KHSRP: variants seen among roughly 807,000 people sequenced by gnomAD.
KHSRP encodes the protein KH-type splicing regulatory protein.
A neutral mutation model predicts 94.9 loss-of-function variants in KHSRP; 13 were observed. The ratio of observed to expected loss-of-function variants is 0.14; its 90% CI spans 0.09 to 0.22. The LOEUF is 0.22. Ranked by LOEUF, KHSRP falls within the 10% of genes least tolerant of loss-of-function variation. The pLI is 1.00. For missense variants in KHSRP, 710 were observed against 1,010.0 expected, an observed-to-expected ratio of 0.70 and a Z score of 4.03; for synonymous variants, 495 against 401.4, an observed-to-expected ratio of 1.23 and a Z score of -2.79.
rs765591937 is a variant in KHSRP at position 6,416,643 on chromosome 19, C to T, written c.1335G>A (p.Glu445=). 1.9e-6 allele frequency: 3 copies of T among 1,613,888 alleles called. No homozygotes were observed. Among genetic ancestry groups the T allele is most frequent in the Admixed American group, 3.3e-5 (2 of 60,020 alleles). Residue 445 remains glutamate, a synonymous_variant, in exon 14 of 19, where the codon GAG becomes GAA. Transcript: ENST00000600480. The stretch of plus-strand genomic sequence containing the variant: ...TCTGCTGGTTTATGGCTTTCACATT[C>T]TCGCCACCTGCAGAAACGCAGAAGG... ...KCGLVIGRGG[E]NVKAINQQTG...
At chr19:6,420,222 GC>G in intron 5 of KHSRP, 78 bp from the exon 6 acceptor site, 1 of 1,365,186 alleles carries the variant, frequency 7.3e-7, no homozygotes. Context: ...TGTGGCCGGG[GC>G]CCCAGCCCCT....
At position 6,420,114 on chromosome 19, in the gene KHSRP, T is replaced by C; in HGVS notation, c.506A>G (p.Lys169Arg). Reference protein sequence around the residue: ...IIGRGGEQINKIQQDSGCKVQ... With the variant: ...IIGRGGEQINRIQQDSGCKVQ... ...TTTGCAGCCTGAATCCTGTTGGATT[T>C]TGTTAATTTGTTCACCTCCTCTGCC... Residue 169 changes from lysine to arginine, a missense_variant, in exon 6 of 19, where the codon AAA becomes AGA. Coordinates refer to ENST00000600480, the MANE Select transcript of KHSRP (RefSeq NM_001366299.1). The C allele has an allele frequency of 1.2e-6, 2 of 1,613,628 alleles. No homozygotes were observed. The highest frequency in any genetic ancestry group is 1.7e-6 in the Non-Finnish European group (2 of 1,179,626).
intron 3 of KHSRP, 97 bp from the exon 4 acceptor site, chr19:6,421,414 C>T (rs945245355): frequency 1.0e-5 from 13 of 1,294,496 alleles, no homozygotes; most frequent in African/African-American, 8.8e-5. Context: ...CCCGGCACCA[C>T]GGTCCCCAGC....
In KHSRP at chr19:6,414,640, G is replaced by A. The variant is rs1358801376; in HGVS notation, c.*384C>T. 18 of 1,007,346 alleles carry A rather than the reference G, an allele frequency of 1.8e-5. No individual in the cohort carries two copies. Among genetic ancestry groups the A allele is most frequent in the African/African-American group, 1.0e-4 (6 of 57,942 alleles). The allele number at this position is 1,007,346 out of a possible 1,614,324, so 62.4% of individuals were successfully genotyped here. ...CACCAGTCCCTGCCAGAGCCAGGCCGCCTGCAACACAGTCACTTGGACACA... is the reference window on the plus strand; with the variant it reads ...CACCAGTCCCTGCCAGAGCCAGGCCACCTGCAACACAGTCACTTGGACACA... On this transcript the variant is annotated 3_prime_UTR_variant, in exon 19 of 19. Coordinates refer to ENST00000600480, the MANE Select transcript of KHSRP (RefSeq NM_001366299.1).
chr19:6,421,032 G>T, intron 4 of KHSRP: 1 of 540,564 alleles, frequency 1.8e-6, no homozygotes, highest in South Asian at 2.3e-5. Context: ...GAAGCCATAG[G>T]GTGCGGAGAC....
rs985052381 is a variant in KHSRP at position 6,418,914 on chromosome 19, C to T, written c.606-38G>A. The stretch of plus-strand genomic sequence containing the variant: ...GGAGCGGGGGATGAGCGGGTGCCAC[C>T]GCTGGAGAAAGGTACTGGTCTGGTG... On this transcript the variant is annotated intron_variant, in intron 7 of 18. Coordinates refer to ENST00000600480, the MANE Select transcript of KHSRP (RefSeq NM_001366299.1). This position sits in a 1 kb window ranked among gnomAD's most constrained non-coding sequence, Gnocchi z 4.3. The T allele has an allele frequency of 1.5e-5, 22 of 1,509,784 alleles. No individual in the cohort carries two copies. Among genetic ancestry groups the T allele is most frequent in the Middle Eastern group, 2.5e-4 (1 of 4,042 alleles). 93.5% of individuals were successfully genotyped at this position (1,509,784 alleles called of 1,614,324 possible).
At chr19:6,419,158 CT>C in intron 7 of KHSRP, 44 bp downstream of exon 7, 1 of 1,519,948 alleles carries the variant, frequency 6.6e-7, no homozygotes, top group South Asian at 1.2e-5. Context: ...GAGCAGGCTT[CT>C]GCCTGCCCCC....
rs1363814270 is a variant in KHSRP, at chr19:6,415,840, G to C, written c.1655C>G (p.Pro552Arg). The C allele has an allele frequency of 2.5e-6, 4 of 1,577,090 alleles. No individual in the cohort carries two copies. Among genetic ancestry groups the C allele is most frequent in the Non-Finnish European group, 3.4e-6 (4 of 1,162,304 alleles). ...YPPQGWGNTY[P>R]QWQPPAPHDP... ...ATGAGGAGCAGGCGGCTGCCACTGG[G>C]GGTAGGTATTGCCCCAGCCCTGGGG... The change falls in exon 16 of 19, where the codon CCC becomes CGC. Residue 552 changes from proline (P) to arginine (R), a missense_variant. Pro to Arg is a moderately radical substitution (Grantham distance 103). Around this residue, in one of 5 missense-constraint regions of KHSRP, gnomAD observed 292 missense variants for 340.5 expected, o/e 0.86. Coordinates refer to ENST00000600480, the MANE Select transcript of KHSRP (RefSeq NM_001366299.1).
rs747810170 is a variant in KHSRP, at chr19:6,415,535, G to A, written c.1887C>T (p.Ile629=). 5.3e-5 allele frequency: 82 copies of A among 1,542,472 alleles called. No individual in the cohort carries two copies. The highest frequency in any genetic ancestry group is 6.5e-5 in the Non-Finnish European group (74 of 1,143,088). The change falls in exon 17 of 19, where the codon ATC becomes ATT. Residue 629 remains isoleucine (I), a splice_region_variant and synonymous_variant. Transcript: ENST00000600480. ...TKAWEEYYKK[I]GQQPQQPGAP... ...CCCCCCGCCACCCTGCAGACTCACC[G>A]ATCTTTTTGTAATACTCTTCCCAGG...
chr19:6,414,989 G>T lies in KHSRP; in HGVS notation c.*35C>A. The T allele has an allele frequency of 6.9e-7, 1 of 1,443,280 alleles. No individual in the cohort carries two copies. The highest frequency in any genetic ancestry group is 9.1e-7 in the Non-Finnish European group (1 of 1,104,806). 89.4% of individuals were successfully genotyped at this position (1,443,280 alleles called of 1,614,324 possible). A position where few individuals can be genotyped will look rare whatever the true frequency, so the allele number is the denominator to read the frequency against. ...TCCCTGGCGGTGCGTGGGGACTCCC[G>T]GAGACCTCCGGCCACACGGCCCCCG... On this transcript the variant is annotated 3_prime_UTR_variant, in exon 19 of 19. Transcript: ENST00000600480.
In KHSRP at chr19:6,413,704, A is replaced by G. The variant is rs1217282730; in HGVS notation, c.*1320T>C. 1 of 157,688 alleles carries G rather than the reference A, an allele frequency of 6.3e-6. No individual in the cohort carries two copies. The highest frequency in any genetic ancestry group is 1.4e-5 in the Non-Finnish European group (1 of 71,316). The allele number at this position is 157,688 out of a possible 1,614,324, so 9.8% of individuals were successfully genotyped here. ...GAGGGCCGAGGGTGGGAGAAAATGA[A>G]TTGCTTTATCCTCAGAGAGGCAGGT... On this transcript the variant is annotated 3_prime_UTR_variant, in exon 19 of 19. Transcript: ENST00000600480.
Position 6,413,392 on chromosome 19 carries a change from A to C in KHSRP, c.*1632T>G, listed in dbSNP as rs1240926777. On this transcript the variant is annotated 3_prime_UTR_variant, in exon 19 of 19. Transcript: ENST00000600480. ...TTTGTGAAGTTAAAAACGAGCGATA[A>C]AAAGTAAAAACTGCCATACAATTTT... The C allele has an allele frequency of 2.4e-6, 1 of 417,900 alleles. No homozygotes were observed. 25.9% of individuals were successfully genotyped at this position (417,900 alleles called of 1,614,324 possible).
chr19:6,423,512 G>A (rs1263555622), intron 1 of KHSRP, among the ~76,000 whole-genome samples: 1 of 152,210 alleles, frequency 6.6e-6, no homozygotes, highest in Non-Finnish European at 1.5e-5. Flanking sequence ...CCAACTGACA[G>A]CACCAGCTTC....
At position 6,418,386 on chromosome 19, in the gene KHSRP, A is replaced by C. The variant is rs549363971; in HGVS notation, c.879+97T>G. On this transcript the variant is annotated intron_variant, in intron 9 of 18. Coordinates refer to ENST00000600480, the MANE Select transcript of KHSRP (RefSeq NM_001366299.1). The surrounding 1 kb of genome is among the most constrained non-coding windows in gnomAD (Gnocchi z 4.3). ...CTTGGTGTTATGACCGACTGTTCACATATCTCTCTGGCGGAATGCAGACCC... is the reference window on the plus strand; with the variant it reads ...CTTGGTGTTATGACCGACTGTTCACCTATCTCTCTGGCGGAATGCAGACCC... 10 of 870,840 alleles carry C rather than the reference A, an allele frequency of 1.1e-5. No individual in the cohort carries two copies. Among genetic ancestry groups the C allele is most frequent in the Non-Finnish European group, 1.9e-5 (10 of 535,674 alleles). The allele number at this position is 870,840 out of a possible 1,614,324, so 53.9% of individuals were successfully genotyped here.
rs2092118462 is a variant in KHSRP, at chr19:6,413,774, T to C, written c.*1250A>G. On this transcript the variant is annotated 3_prime_UTR_variant, in exon 19 of 19. Coordinates refer to ENST00000600480, the MANE Select transcript of KHSRP (RefSeq NM_001366299.1). Reference sequence around the variant, plus strand: ...AAGAATAGAGACTTTTTAATATATATATATATAATTTTATAAGTTCTGCTT... The same window carrying C: ...AAGAATAGAGACTTTTTAATATATACATATATAATTTTATAAGTTCTGCTT... 3 of 151,922 alleles carry C rather than the reference T, an allele frequency of 2.0e-5. No homozygotes were observed. Among genetic ancestry groups the C allele is most frequent in the South Asian group, 4.1e-4 (2 of 4,844 alleles). The allele number at this position is 151,922 out of a possible 1,614,324, so 9.4% of individuals were successfully genotyped here.
In KHSRP at chr19:6,415,278, G is replaced by A. The variant is rs2145111450; in HGVS notation, c.1990C>T (p.Pro664Ser). The A allele has an allele frequency of 1.2e-6, 2 of 1,613,026 alleles. No homozygotes were observed. Among genetic ancestry groups the A allele is most frequent in the Non-Finnish European group, 1.7e-6 (2 of 1,179,838 alleles). ...KQAQVATGGG[P>S]GAPPGSQPDY... ...GGCTGGGAGCCTGGGGGAGCTCCTG[G>A]ACCCCCTCCGGTGGCCACTTGCGCT... Residue 664 changes from proline (P) to serine (S), a missense_variant, in exon 19 of 19, where the codon CCA becomes TCA. By Grantham distance (74) the Pro-to-Ser change is moderately conservative. Around this residue, in one of 5 missense-constraint regions of KHSRP, gnomAD observed 292 missense variants for 340.5 expected, o/e 0.86. Coordinates refer to ENST00000600480, the MANE Select transcript of KHSRP (RefSeq NM_001366299.1).
In KHSRP at chr19:6,420,111, A is replaced by G. The variant is rs2092186221; in HGVS notation, c.509T>C (p.Ile170Thr). The change falls in exon 6 of 19, where the codon ATC (isoleucine) becomes ACC (threonine). Residue 170 changes from isoleucine to threonine, a missense_variant. Ile to Thr is a moderately conservative substitution (Grantham distance 89, BLOSUM62 -1). Around this residue, in one of 5 missense-constraint regions of KHSRP, gnomAD observed 288 missense variants for 501.1 expected, o/e 0.57. Transcript: ENST00000600480. ...TACTTTGCAGCCTGAATCCTGTTGG[A>G]TTTTGTTAATTTGTTCACCTCCTCT... is the stretch of plus-strand genomic sequence containing the variant. ...IGRGGEQINK[I>T]QQDSGCKVQI... The G allele has an allele frequency of 6.2e-7, 1 of 1,613,530 alleles. No individual in the cohort carries two copies. The highest frequency in any genetic ancestry group is 1.7e-5 in the Admixed American group (1 of 59,954).
At chr19:6,422,894 C>G (rs527760657) in intron 1 of KHSRP, among the ~76,000 whole-genome samples, 11 of 152,290 alleles carry the variant, frequency 7.2e-5, no homozygotes, top group African/African-American at 2.6e-4. Context: ...CTATCTCCCC[C>G]ACTCTCAAAA....
In KHSRP at chr19:6,414,214, G is replaced by A. The variant is rs529449095; in HGVS notation, c.*810C>T. 5.4e-5 allele frequency: 83 copies of A among 1,527,550 alleles called. No individual in the cohort carries two copies. Among genetic ancestry groups the A allele is most frequent in the Admixed American group, 3.0e-4 (13 of 42,654 alleles). 94.6% of individuals were successfully genotyped at this position (1,527,550 alleles called of 1,614,324 possible). A position where few individuals can be genotyped will look rare whatever the true frequency, so the allele number is the denominator to read the frequency against. On this transcript the variant is annotated 3_prime_UTR_variant, in exon 19 of 19. Coordinates refer to ENST00000600480, the MANE Select transcript of KHSRP (RefSeq NM_001366299.1). ...GAGAGGAGGGGCTGGAACACCGTGG[G>A]GGGGGCCAGGAAGCCCCCTCCCAAA...
Sources: allele counts gnomAD v4.1 joint callset (sites outside exome capture counted in the v4.1 genomes callset), GRCh38; gene constraint gnomAD v4.1.1; regional missense constraint gnomAD v4.1.1; non-coding constraint Gnocchi (gnomAD v3.1); transcripts MANE v1.5; gene names NCBI Gene and HGNC (gene_info 2026-07-23, HGNC 2026-07-21).